The following RBFOX1 variants were observed in gnomAD, a reference collection of about 807,000 sequenced individuals.
RBFOX1 encodes RNA binding protein fox-1 homolog 1.
RBFOX1 carries 8 observed loss-of-function variants against 57.7 expected under a neutral mutation model. The observed-to-expected ratio is 0.14, with a 90% confidence interval of 0.08 to 0.25. The LOEUF is 0.25. Among genes scored for constraint, RBFOX1 ranks in the 10% least tolerant of loss-of-function variants. RBFOX1 has a pLI of 1.00. For synonymous variants in RBFOX1, 326 were observed against 222.4 expected (o/e 1.47, Z -4.15); for missense variants, 611 against 548.5 (o/e 1.11, Z -1.14).
chr16:7,108,591 T>C (rs1463818585), intron 4 of RBFOX1, among the ~76,000 whole-genome samples: 2 of 152,148 alleles, frequency 1.3e-5, no homozygotes, highest in Non-Finnish European at 2.9e-5. Context: ...TATGGTTCAG[T>C]GGGATTTGTT....
intron 3 of RBFOX1, among the ~76,000 whole-genome samples, chr16:5,801,022 AG>A (rs1410016740): frequency 6.6e-6 from 1 of 152,162 alleles, no homozygotes; most frequent in Non-Finnish European, 1.5e-5. Flanking sequence ...CTTCTACCCC[AG>A]GAGCCCTCTG....
intron 3 of RBFOX1, among the ~76,000 whole-genome samples, chr16:5,634,876 T>G (rs2048631297): frequency 6.6e-6 from 1 of 152,210 alleles, no homozygotes; most frequent in Non-Finnish European, 1.5e-5. Flanking sequence ...AGAGAATCTT[T>G]TTACTCACAA....
At chr16:6,497,283 G>A (rs2095797668) in intron 2 of RBFOX1, among the ~76,000 whole-genome samples, 2 of 152,134 alleles carry the variant, frequency 1.3e-5, no homozygotes, top group Admixed American at 6.5e-5. Flanking sequence ...CTTCTCAGGT[G>A]GGCATTAGCT....
intron 2 of RBFOX1, among the ~76,000 whole-genome samples, chr16:6,445,546 C>CTTGCCTCTG (rs1567290910): frequency 1.4e-5 from 2 of 147,482 alleles, no homozygotes; most frequent in African/African-American, 5.0e-5. Context: ...GCTTATTAAC[C>CTTGCCTCTG]TTGCCTCTGA....
intron 2 of RBFOX1, among the ~76,000 whole-genome samples, chr16:6,455,750 C>A (rs540867701): frequency 2.1e-4 from 32 of 152,138 alleles, no homozygotes; most frequent in African/African-American, 7.7e-4. Context: ...TGGTAATGAC[C>A]GTATTTGCTT....
intron 1 of RBFOX1, among the ~76,000 whole-genome samples, chr16:6,295,985 A>G (rs1161040719): frequency 2.0e-5 from 3 of 152,344 alleles, no homozygotes; most frequent in East Asian, 1.9e-4. Flanking sequence ...GAGGGCAGGA[A>G]TGGAATAACA....
chr16:7,348,103 T>G (rs1239737937), intron 4 of RBFOX1, among the ~76,000 whole-genome samples: 1 of 152,264 alleles, frequency 6.6e-6, no homozygotes, highest in African/African-American at 2.4e-5. Flanking sequence ...AAAACATTGT[T>G]GCTTACTTTT....
At chr16:6,050,112 C>T (rs373215992) in intron 1 of RBFOX1, among the ~76,000 whole-genome samples, 6 of 151,954 alleles carry the variant, frequency 3.9e-5, no homozygotes, top group East Asian at 1.9e-4. Flanking sequence ...GTGTATGCCA[C>T]GACGCCTGAC....
intron 4 of RBFOX1, among the ~76,000 whole-genome samples, chr16:7,284,554 C>A (rs563266643): frequency 2.2e-3 from 338 of 152,058 alleles, no homozygotes; most frequent in Non-Finnish European, 3.5e-3. Context: ...TGATCTCGAT[C>A]TCCTGGCCTC....
chr16:7,540,954 C>T (rs2082755683), intron 5 of RBFOX1, among the ~76,000 whole-genome samples: 1 of 152,010 alleles, frequency 6.6e-6, no homozygotes, highest in Non-Finnish European at 1.5e-5. Context: ...GTTTGATGAC[C>T]CTGGTTAATT....
At chr16:6,319,248 G>A (rs2081474906) in intron 2 of RBFOX1, among the ~76,000 whole-genome samples, 1 of 152,088 alleles carries the variant, frequency 6.6e-6, no homozygotes, top group Non-Finnish European at 1.5e-5. Context: ...GTTTTGATAT[G>A]TCCATTGGCT....
chr16:6,518,957 C>T (rs1170861680), intron 2 of RBFOX1, among the ~76,000 whole-genome samples: 5 of 151,946 alleles, frequency 3.3e-5, no homozygotes, highest in Non-Finnish European at 7.4e-5. Context: ...TTCTGGCTTA[C>T]CACCACCTAG....
At chr16:6,802,158 C>A (rs942242659) in intron 3 of RBFOX1, among the ~76,000 whole-genome samples, 2 of 151,274 alleles carry the variant, frequency 1.3e-5, no homozygotes, top group African/African-American at 4.9e-5. Flanking sequence ...AAGGCCTGGG[C>A]ACAATTCTGG....
At chr16:7,442,365 T>A (rs1472913541) in intron 4 of RBFOX1, among the ~76,000 whole-genome samples, 1 of 152,052 alleles carries the variant, frequency 6.6e-6, no homozygotes, top group African/African-American at 2.4e-5. Context: ...AAGACAGAGA[T>A]CATTTTTGGC....
intron 2 of RBFOX1, among the ~76,000 whole-genome samples, chr16:6,541,500 G>A (rs2096818682): frequency 6.6e-6 from 1 of 152,208 alleles, no homozygotes; most frequent in African/African-American, 2.4e-5. Flanking sequence ...TGACAACAGT[G>A]TCACATCAGG....
At position 6,150,200 on chromosome 16, in the gene RBFOX1, A is replaced by G. The variant is rs148240508; in HGVS notation, c.-127+130208A>G. 2.6e-4 allele frequency among the ~76,000 whole-genome samples: 40 copies of G among 152,266 alleles called. 2 individuals are homozygous for G. The East Asian group carries it at 5.6e-3, about 21-fold the overall frequency. On this transcript the variant is annotated intron_variant, in intron 1 of 15. Transcript: ENST00000550418. ...GAGAGGAAGCATATCGTGAGACCAG[A>G]GAGGGTTGAAGAGAGGATCTTGAGA... is the stretch of plus-strand genomic sequence containing the variant.
chr16:7,500,931 A>G (rs1319104149), intron 4 of RBFOX1, among the ~76,000 whole-genome samples: 1 of 152,046 alleles, frequency 6.6e-6, no homozygotes, highest in Non-Finnish European at 1.5e-5. Context: ...TTCTCATGAG[A>G]TCTGATGGGT....
intron 11 of RBFOX1, among the ~76,000 whole-genome samples, chr16:7,642,184 G>C (rs2079753): frequency 3.3e-5 from 5 of 151,920 alleles, no homozygotes; most frequent in Non-Finnish European, 7.4e-5. Context: ...ACCACTCCTG[G>C]ATGGTAGTTC....
At chr16:5,441,084 T>C (rs529078438) in intron 1 of RBFOX1, among the ~76,000 whole-genome samples, 1 of 152,288 alleles carries the variant, frequency 6.6e-6, no homozygotes, top group South Asian at 2.1e-4. Flanking sequence ...TGGGCCGTGG[T>C]TCAGACCTAG....
Sources: allele counts gnomAD v4.1 joint callset (sites outside exome capture counted in the v4.1 genomes callset), GRCh38; gene constraint gnomAD v4.1.1; transcripts MANE v1.5; gene names NCBI Gene and HGNC (gene_info 2026-07-23, HGNC 2026-07-21).